SPTBN1: variants seen among roughly 807,000 people sequenced by gnomAD.
The protein encoded by SPTBN1 is spectrin beta, non-erythrocytic 1.
SPTBN1 carries 32 observed loss-of-function variants against 266.4 expected under a neutral mutation model. The ratio of observed to expected loss-of-function variants is 0.12; its 90% confidence interval spans 0.09 to 0.16. The LOEUF (loss-of-function observed/expected upper bound fraction) is 0.16. Among genes scored for constraint, SPTBN1 ranks in the 10% least tolerant of loss-of-function variants. The pLI is 1.00. For missense variants in SPTBN1, 2,296 were observed against 3,067.1 expected, an observed-to-expected ratio of 0.75 and a Z score of 5.94; for synonymous variants, 1,336 against 1,162.2, an observed-to-expected ratio of 1.15 and a Z score of -3.04.
In SPTBN1 at chr2:54,659,183, A is replaced by C; in HGVS notation, c.6273A>C (p.Gln2091His). The stretch of plus-strand genomic sequence containing the variant: ...AGTTACTGGAAGTGCGCAGACAGCA[A>C]GAGGAAGAGGAGAGGAAGAGGCGGC... Reference protein sequence around the residue: ...TLELLEVRRQQEEEERKRRPP... With the variant: ...TLELLEVRRQHEEEERKRRPP... The change falls in exon 31 of 36, where the codon CAA becomes CAC. Residue 2091 changes from glutamine to histidine, a missense_variant. This residue lies in a region of SPTBN1 where 347 missense variants were observed against 368.5 expected (regional missense o/e 0.94). Transcript: ENST00000356805. 1 of 1,614,052 alleles carries C rather than the reference A, an allele frequency of 6.2e-7. No homozygotes were observed. Among genetic ancestry groups the C allele is most frequent in the Non-Finnish European group, 8.5e-7 (1 of 1,179,962 alleles).
chr2:54,602,035 C>T (rs1353853335), intron 3 of SPTBN1, among the ~76,000 whole-genome samples: 3 of 152,146 alleles, frequency 2.0e-5, no homozygotes, highest in Non-Finnish European at 4.4e-5. Context: ...AGTGTCTGCT[C>T]CCTCTCGGTC....
intron 17 of SPTBN1, among the ~76,000 whole-genome samples, chr2:54,633,502 C>G (rs909659049): frequency 2.0e-5 from 3 of 152,124 alleles, no homozygotes; most frequent in Admixed American, 1.3e-4. Context: ...GACCCTAACT[C>G]TTTGACTCAC....
At chr2:54,550,709 C>T (rs758039229) in intron 2 of SPTBN1, among the ~76,000 whole-genome samples, 6 of 152,216 alleles carry the variant, frequency 3.9e-5, no homozygotes, top group Non-Finnish European at 8.8e-5. Context: ...ATAGCTGTTA[C>T]TGTCACTAAC....
chr2:54,575,516 G>C (rs530708822), intron 2 of SPTBN1, among the ~76,000 whole-genome samples: 1 of 152,190 alleles, frequency 6.6e-6, no homozygotes, highest in Non-Finnish European at 1.5e-5. Context: ...TTGTGGATAC[G>C]GTATTTGGTA....
At position 54,530,920 on chromosome 2, in the gene SPTBN1, C is replaced by G. The variant is rs189339874; in HGVS notation, c.148+4354C>G. On this transcript the variant is annotated intron_variant, in intron 2 of 35. Coordinates refer to ENST00000356805, the MANE Select transcript of SPTBN1 (RefSeq NM_003128.3). The stretch of plus-strand genomic sequence containing the variant: ...ATAGTCTCCCATCCCTAGCTAGCCT[C>G]AGGATGATGCTGTGCACCCAAGACT... Among the ~76,000 whole-genome samples, 346 of 152,208 alleles carry G rather than the reference C, an allele frequency of 2.3e-3. 2 individuals are homozygous for G. Among genetic ancestry groups the G allele is most frequent in the Middle Eastern group, 3.4e-3 (1 of 294 alleles).
chr2:54,482,491 T>C (rs1467838385), intron 1 of SPTBN1, among the ~76,000 whole-genome samples: 1 of 152,218 alleles, frequency 6.6e-6, no homozygotes, highest in Non-Finnish European at 1.5e-5. Context: ...CCTCAGGTGA[T>C]TGTAACATAA....
At position 54,629,970 on chromosome 2, in the gene SPTBN1, G is replaced by A; in HGVS notation, c.2748G>A (p.Met916Ile). ...AVVNQIARQLMHSGHPSEKEI... is the reference protein window; with the variant it reads ...AVVNQIARQLIHSGHPSEKEI... ...TGAACCAGATTGCACGCCAGCTGAT[G>A]CACAGCGGCCACCCAAGTGAGAAGG... The change falls in exon 15 of 36, where the codon ATG (methionine) becomes ATA (isoleucine). Residue 916 changes from methionine to isoleucine, a missense_variant. By Grantham distance (10) the Met-to-Ile change is conservative. This residue lies in a region of SPTBN1 where 128 missense variants were observed against 176.5 expected (regional missense o/e 0.73). Coordinates refer to ENST00000356805, the MANE Select transcript of SPTBN1 (RefSeq NM_003128.3). The A allele has an allele frequency of 1.2e-6, 2 of 1,614,116 alleles. No homozygotes were observed. Among genetic ancestry groups the A allele is most frequent in the Non-Finnish European group, 1.7e-6 (2 of 1,180,036 alleles).
At chr2:54,648,646 G>A (rs1328646727) in intron 24 of SPTBN1, among the ~76,000 whole-genome samples, 1 of 152,180 alleles carries the variant, frequency 6.6e-6, no homozygotes, top group Non-Finnish European at 1.5e-5. Context: ...GATTTGCAGA[G>A]CCAGAGGTGC....
rs1011113901 is a variant in SPTBN1, at chr2:54,533,608, T to C, written c.148+7042T>C. Among the ~76,000 whole-genome samples the C allele has an allele frequency of 6.6e-6, 1 of 152,214 alleles. No homozygotes were observed. The stretch of plus-strand genomic sequence containing the variant: ...TCTTGTCACCCAGGCTGTAGTACGA[T>C]GGCGCGATCTTGGCTCACTGCAACC... On this transcript the variant is annotated intron_variant, in intron 2 of 35. Coordinates refer to ENST00000356805, the MANE Select transcript of SPTBN1 (RefSeq NM_003128.3). This position sits in a 1 kb window ranked among gnomAD's most constrained non-coding sequence, Gnocchi z 4.2.
intron 2 of SPTBN1, among the ~76,000 whole-genome samples, chr2:54,588,057 G>A (rs1215107934): frequency 6.6e-6 from 1 of 152,154 alleles, no homozygotes; most frequent in African/African-American, 2.4e-5. Context: ...AATGGGATGT[G>A]GGATCAACAG....
chr2:54,485,316 G>T (rs1335252779), intron 1 of SPTBN1, among the ~76,000 whole-genome samples: 1 of 150,274 alleles, frequency 6.7e-6, no homozygotes, highest in African/African-American at 2.4e-5. Context: ...TCAGCCTGCC[G>T]AGTGCCTGCA....
chr2:54,595,602 G>A (rs557392033), intron 2 of SPTBN1, among the ~76,000 whole-genome samples: 20 of 152,364 alleles, frequency 1.3e-4, no homozygotes, highest in African/African-American at 4.1e-4. Context: ...TGCAAAGGGC[G>A]TGCCCTTGGT....
chr2:54,585,668 C>A (rs1449123210), intron 2 of SPTBN1, among the ~76,000 whole-genome samples: 3 of 152,206 alleles, frequency 2.0e-5, no homozygotes, highest in Non-Finnish European at 4.4e-5. Flanking sequence ...TTGTCTAATG[C>A]TGTGAGCTCT....
intron 1 of SPTBN1, among the ~76,000 whole-genome samples, chr2:54,507,710 C>G (rs1669646179): frequency 6.6e-6 from 1 of 151,512 alleles, no homozygotes; most frequent in African/African-American, 2.4e-5. Context: ...AGCTTTTAGG[C>G]TCTATCTTTG....
At chr2:54,539,943 G>A (rs1330069258) in intron 2 of SPTBN1, among the ~76,000 whole-genome samples, 2 of 152,208 alleles carry the variant, frequency 1.3e-5, no homozygotes, top group African/African-American at 4.8e-5. Context: ...GTTAGGAGGT[G>A]AGGTCTTTGG....
chr2:54,523,287 G>A (rs1573330633), intron 1 of SPTBN1, among the ~76,000 whole-genome samples: 1 of 152,182 alleles, frequency 6.6e-6, no homozygotes, highest in African/African-American at 2.4e-5. Context: ...TAATACACCC[G>A]TGAATGTACT....
intron 2 of SPTBN1, among the ~76,000 whole-genome samples, chr2:54,557,026 A>T (rs918389037): frequency 6.6e-6 from 1 of 152,224 alleles, no homozygotes; most frequent in Non-Finnish European, 1.5e-5. Flanking sequence ...GCTTTAAAAA[A>T]TGTTCTACAT....
chr2:54,578,205 T>C (rs1056974310), intron 2 of SPTBN1, among the ~76,000 whole-genome samples: 7 of 152,226 alleles, frequency 4.6e-5, no homozygotes, highest in East Asian at 1.9e-4. Flanking sequence ...TGTTCACTGC[T>C]GCATCGTTGA....
intron 1 of SPTBN1, among the ~76,000 whole-genome samples, chr2:54,500,169 A>G (rs963642109): frequency 6.6e-6 from 1 of 152,228 alleles, no homozygotes; most frequent in Non-Finnish European, 1.5e-5. Flanking sequence ...TTGTTAGGTG[A>G]TGGCTTATTT....
Sources: gnomAD v4.1 joint callset for allele counts (sites outside exome capture counted in the v4.1 genomes callset) on GRCh38, gnomAD v4.1.1 for gene constraint, gnomAD v4.1.1 regional missense constraint, Gnocchi (gnomAD v3.1) non-coding constraint, MANE v1.5 for transcripts, NCBI Gene and HGNC (gene_info 2026-07-23, HGNC 2026-07-21) for gene names.